Variants in SSH2 observed in about 807,000 individuals in gnomAD.
SSH2 encodes slingshot protein phosphatase 2.
SSH2 carries 37 observed loss-of-function variants against 135.2 expected under a neutral mutation model. The observed-to-expected ratio is 0.27, with a 90% CI of 0.21 to 0.36. SSH2 has a LOEUF of 0.36. SSH2 is among the 10% of genes least tolerant of loss of function. The pLI, the probability that SSH2 is intolerant of heterozygous loss-of-function variation, is 1.00. For synonymous variants in SSH2, 628 were observed against 646.2 expected, an observed-to-expected ratio of 0.97 and a Z score of 0.43; for missense variants, 1,408 against 1,765.3, an observed-to-expected ratio of 0.80 and a Z score of 3.63.
At chr17:29,644,484 A>G (rs1303222230) in intron 14 of SSH2, among the ~76,000 whole-genome samples, 4 of 152,102 alleles carry the variant, frequency 2.6e-5, no homozygotes, top group Non-Finnish European at 4.4e-5. Context: ...TTCCACTACA[A>G]TGCCACACTT....
At chr17:29,836,440 C>T (rs1599067058) in intron 2 of SSH2, among the ~76,000 whole-genome samples, 1 of 152,122 alleles carries the variant, frequency 6.6e-6, no homozygotes, top group South Asian at 2.1e-4. Flanking sequence ...ATACCCATTG[C>T]CTAGTGCTCT....
chr17:29,883,388 A>C (rs1384783584), intron 1 of SSH2, among the ~76,000 whole-genome samples: 1 of 152,200 alleles, frequency 6.6e-6, no homozygotes, highest in East Asian at 1.9e-4. Context: ...TTTTAAAAGA[A>C]TCAGAAGACA....
rs2035898040 is a variant in SSH2, at chr17:29,635,970, T to G, written c.2260A>C (p.Lys754Gln). The G allele has an allele frequency of 6.2e-7, 1 of 1,604,620 alleles. No homozygotes were observed. The highest frequency in any genetic ancestry group is 1.3e-5 in the African/African-American group (1 of 74,646). ...EESSMDEEQS[K>Q]AISELVSPDI... The stretch of plus-strand genomic sequence containing the variant: ...AAAACTATAAAGACAGTTTTTACCT[T>G]TGACTGTTCCTCATCCATTGAAGAT... The change falls in exon 15 of 16, where the codon AAG (lysine) becomes CAG (glutamine). Residue 754 changes from lysine to glutamine, a missense_variant and splice_region_variant. Transcript: ENST00000540801.
intron 2 of SSH2, among the ~76,000 whole-genome samples, chr17:29,819,568 C>T (rs2042617490): frequency 6.6e-6 from 1 of 152,118 alleles, no homozygotes; most frequent in East Asian, 1.9e-4. Context: ...TCTATATTTT[C>T]TGCAAGATCT....
intron 1 of SSH2, among the ~76,000 whole-genome samples, chr17:29,888,412 G>A (rs1054609238): frequency 6.6e-6 from 1 of 152,176 alleles, no homozygotes; most frequent in Non-Finnish European, 1.5e-5. Context: ...CAGGCATTCA[G>A]TGTATTTCTT....
Position 29,632,229 on chromosome 17 carries a change from A to T in SSH2, c.2965T>A (p.Phe989Ile), listed in dbSNP as rs1471007148. 6.2e-7 allele frequency: 1 copy of T among 1,613,782 alleles called. No individual in the cohort carries two copies. The highest frequency in any genetic ancestry group is 8.5e-7 in the Non-Finnish European group (1 of 1,179,908). ...ATVPAPRVLE[F>I]DHLPDPQEGP... ...TCCTGAGGATCTGGCAAGTGGTCAA[A>T]CTCCAGCACCCTGGGAGCTGGAACA... The change falls in exon 16 of 16, where the codon TTT (phenylalanine) becomes ATT (isoleucine). Residue 989 changes from phenylalanine (F) to isoleucine (I), a missense_variant. By Grantham distance (21) the Phe-to-Ile change is conservative. Transcript: ENST00000540801.
intron 1 of SSH2, among the ~76,000 whole-genome samples, chr17:29,899,521 C>T (rs950978612): frequency 6.6e-6 from 1 of 152,114 alleles, no homozygotes; most frequent in African/African-American, 2.4e-5. Context: ...AGTGAACTCC[C>T]ATTCACAATT....
At chr17:29,716,194 C>G (rs1475218874) in intron 3 of SSH2, 5 of 260,556 alleles carry the variant, frequency 1.9e-5, no homozygotes, top group Non-Finnish European at 3.7e-5. Flanking sequence ...AGTCTGGTCT[C>G]TCATACCCTT....
At chr17:29,835,975 A>AG (rs58200374) in intron 2 of SSH2, among the ~76,000 whole-genome samples, 8 of 151,148 alleles carry the variant, frequency 5.3e-5, no homozygotes, top group South Asian at 4.2e-4. Flanking sequence ...AAAAAAAAAA[A>AG]GGAAGCATTT....
intron 2 of SSH2, among the ~76,000 whole-genome samples, chr17:29,840,483 G>T (rs2043020822): frequency 6.6e-6 from 1 of 152,166 alleles, no homozygotes; most frequent in African/African-American, 2.4e-5. Context: ...ATAATATAAA[G>T]ATGTCTAAGA....
intron 3 of SSH2, among the ~76,000 whole-genome samples, chr17:29,754,483 C>CT (rs1337176690): frequency 6.6e-6 from 1 of 152,122 alleles, no homozygotes; most frequent in East Asian, 1.9e-4. Flanking sequence ...TTAGAAAGCA[C>CT]TCATGTGCTT....
chr17:29,796,354 T>A (rs1035632343), intron 2 of SSH2, among the ~76,000 whole-genome samples: 6 of 152,234 alleles, frequency 3.9e-5, no homozygotes, highest in Non-Finnish European at 8.8e-5. Context: ...TCTATACTTT[T>A]TTTTGAGACG....
At chr17:29,715,542 G>T (rs1350630970) in intron 3 of SSH2, among the ~76,000 whole-genome samples, 12 of 152,112 alleles carry the variant, frequency 7.9e-5, no homozygotes, top group Admixed American at 2.6e-4. Flanking sequence ...ACTGCACCTA[G>T]CCTCCATGTC....
At chr17:29,724,269 C>T (rs1489328067) in intron 3 of SSH2, among the ~76,000 whole-genome samples, 2 of 152,186 alleles carry the variant, frequency 1.3e-5, no homozygotes, top group African/African-American at 4.8e-5. Flanking sequence ...TGGCTCACAC[C>T]TGTAATCCCA....
chr17:29,747,569 G>A (rs2040803332), intron 3 of SSH2, among the ~76,000 whole-genome samples: 1 of 152,194 alleles, frequency 6.6e-6, no homozygotes. Context: ...AAAAGGCCTT[G>A]ATGTTCTTAG....
At chr17:29,667,692 T>C (rs1256066793) in intron 9 of SSH2, among the ~76,000 whole-genome samples, 5 of 152,226 alleles carry the variant, frequency 3.3e-5, no homozygotes, top group Non-Finnish European at 5.9e-5. Flanking sequence ...TAAGAGCCCT[T>C]CCATCCAGAA....
At chr17:29,701,747 T>C (rs755615899) in intron 4 of SSH2, among the ~76,000 whole-genome samples, 2 of 151,650 alleles carry the variant, frequency 1.3e-5, no homozygotes, top group Non-Finnish European at 2.9e-5. Context: ...ATTTTTGTAT[T>C]TTTAGTAGAG....
chr17:29,713,227 C>T (rs987969357), intron 3 of SSH2, among the ~76,000 whole-genome samples: 2 of 151,912 alleles, frequency 1.3e-5, no homozygotes, highest in Admixed American at 1.3e-4. Flanking sequence ...TCCAGCTACT[C>T]GGGAGGCTGA....
Position 29,672,272 on chromosome 17 carries a change from C to T in SSH2, c.615-143G>A, listed in dbSNP as rs991326229. The T allele has an allele frequency of 3.8e-5, 23 of 598,274 alleles. No individual in the cohort carries two copies. The African/African-American group carries it at 3.9e-4, about 10-fold the overall frequency. The allele number at this position is 598,274 out of a possible 1,614,324, so 37.1% of individuals were successfully genotyped here. A position where few individuals can be genotyped will look rare whatever the true frequency, so the allele number is the denominator to read the frequency against. ...CTACTCCTTGAAAGTCAAGATTCTCCAATTCTGATTATACCATATTATCTA... is the reference window on the plus strand; with the variant it reads ...CTACTCCTTGAAAGTCAAGATTCTCTAATTCTGATTATACCATATTATCTA... On this transcript the variant is annotated intron_variant, in intron 8 of 15. Coordinates refer to ENST00000540801, the MANE Select transcript of SSH2 (RefSeq NM_001282129.2).
Sources: gnomAD v4.1 joint callset for allele counts (sites outside exome capture counted in the v4.1 genomes callset) on GRCh38, gnomAD v4.1.1 for gene constraint, MANE v1.5 for transcripts, NCBI Gene and HGNC (gene_info 2026-07-23, HGNC 2026-07-21) for gene names.